Variants in ECM2 observed in about 807,000 individuals in gnomAD.
ECM2 encodes extracellular matrix protein 2.
ECM2 carries 57 observed loss-of-function variants against 67.5 expected under a neutral mutation model. That is an observed-to-expected ratio of 0.84 (90% CI 0.68 to 1.05). ECM2 has a LOEUF of 1.05. ECM2 is among the 50% of genes least tolerant of loss of function. ECM2 has a pLI of 0.00. For missense variants in ECM2, 741 were observed against 822.8 expected, an observed-to-expected ratio of 0.90 and a Z score of 1.22; for synonymous variants, 258 against 294.5, an observed-to-expected ratio of 0.88 and a Z score of 1.27.
At position 92,512,108 on chromosome 9, in the gene ECM2, A is replaced by G; in HGVS notation, c.1073T>C (p.Ile358Thr). The G allele has an allele frequency of 6.2e-7, 1 of 1,613,696 alleles. No individual in the cohort carries two copies. The highest frequency in any genetic ancestry group is 1.7e-5 in the Admixed American group (1 of 59,986). The change falls in exon 5 of 10, where the codon ATC becomes ACC. Residue 358 changes from isoleucine to threonine, a missense_variant. Physicochemically the swap from Ile to Thr is moderately conservative, Grantham distance 89. Transcript: ENST00000344604. ...TAATCCATTAAATGCTTCATCTGGG[A>G]TGGAGGCGATGGAATTGCCTAGGAC... ...LELTGNSIASIPDEAFNGLPN... is the reference protein window; with the variant it reads ...LELTGNSIASTPDEAFNGLPN...
At chr9:92,539,920 C>T (rs1849278492), upstream of ECM2, among the ~76,000 whole-genome samples, 1 of 152,122 alleles carries the variant, frequency 6.6e-6, no homozygotes, top group Admixed American at 6.5e-5. Flanking sequence ...TTTGTGTACG[C>T]ATTTCCAGGT....
chr9:92,496,656 A>AAGCACT (rs1846361619), intron 9 of ECM2, among the ~76,000 whole-genome samples, 173 bp from the exon 10 acceptor site: 1 of 152,230 alleles, frequency 6.6e-6, no homozygotes, highest in African/African-American at 2.4e-5. Flanking sequence ...GAAGCCATAG[A>AAGCACT]AGCACTAGAA....
At position 92,515,210 on chromosome 9, in the gene ECM2, A is replaced by G. The variant is rs1432007398; in HGVS notation, c.482-7T>C. 6 of 1,546,748 alleles carry G rather than the reference A, an allele frequency of 3.9e-6. No homozygotes were observed. In the African/African-American group the frequency reaches 8.3e-5, roughly 21 times the overall value. ...CTGAGTAGAGAATAGGAGACTAATG[A>G]CCACGCAAGGATGAGGTAGCAGAGA... is the stretch of plus-strand genomic sequence containing the variant. On this transcript the variant is annotated splice_polypyrimidine_tract_variant and splice_region_variant and intron_variant, in intron 3 of 9. Coordinates refer to ENST00000344604, the MANE Select transcript of ECM2 (RefSeq NM_001393.4).
At chr9:92,495,270 A>G (rs1846291966), downstream of ECM2, 1 of 768,490 alleles carries the variant, frequency 1.3e-6, no homozygotes, top group Non-Finnish European at 1.6e-6. Context: ...CATAGTTTCT[A>G]TATGTGTCTT....
rs550330584 is a variant in ECM2 at position 92,513,879 on chromosome 9, T to C, written c.1054+752A>G. Among the ~76,000 whole-genome samples the C allele has an allele frequency of 4.6e-5, 7 of 152,304 alleles. No individual in the cohort carries two copies. The East Asian group carries it at 7.7e-4, about 17-fold the overall frequency. On this transcript the variant is annotated intron_variant, in intron 4 of 9. Transcript: ENST00000344604. ...GTGCATTTGTCAAAACTCAGAACTA[T>C]ATACTAAAAATAAGTTTTACTACAT...
chr9:92,532,041 T>TTTTTTTA (rs1433523712), intron 1 of ECM2, among the ~76,000 whole-genome samples: 1 of 143,418 alleles, frequency 7.0e-6, no homozygotes, highest in Admixed American at 6.8e-5. Flanking sequence ...TTTATTTTTT[T>TTTTTTTA]TTTGAGATGA....
At chr9:92,499,478 T>TG (rs775490624) in intron 9 of ECM2, among the ~76,000 whole-genome samples, 13 of 152,164 alleles carry the variant, frequency 8.5e-5, no homozygotes, top group Non-Finnish European at 1.6e-4. Flanking sequence ...CATCTGTGAG[T>TG]GAAACCATTG....
chr9:92,495,351 G>C lies in ECM2; in HGVS notation c.*964C>G, dbSNP rs900007297. Reference sequence around the variant, plus strand: ...AATTTTAATATATGATTTTGGTAGGGCCAATACATAGTAAAGACATAGCTT... The same window carrying C: ...AATTTTAATATATGATTTTGGTAGGCCCAATACATAGTAAAGACATAGCTT... On this transcript the variant is annotated 3_prime_UTR_variant, in exon 10 of 10. Transcript: ENST00000344604. The C allele has an allele frequency of 3.1e-6, 3 of 954,802 alleles. No individual in the cohort carries two copies. In the African/African-American group the frequency reaches 5.3e-5, roughly 17 times the overall value. 59.1% of individuals were successfully genotyped at this position (954,802 alleles called of 1,614,324 possible). A position where few individuals can be genotyped will look rare whatever the true frequency, so the allele number is the denominator to read the frequency against.
At chr9:92,552,195 A>G in the ECM2 span, among the ~76,000 whole-genome samples, 1 of 143,204 alleles carries the variant, frequency 7.0e-6, no homozygotes, top group Non-Finnish European at 1.5e-5. Context: ...TCATATACAC[A>G]CACACACACA....
At chr9:92,549,731 TATC>T in the ECM2 span, among the ~76,000 whole-genome samples, 2 of 152,170 alleles carry the variant, frequency 1.3e-5, no homozygotes, top group African/African-American at 4.8e-5. Flanking sequence ...CCGGATTAGA[TATC>T]ATTTTATCAA....
At chr9:92,537,421 G>A (rs937116670), upstream of ECM2, among the ~76,000 whole-genome samples, 1 of 152,098 alleles carries the variant, frequency 6.6e-6, no homozygotes, top group African/African-American at 2.4e-5. Flanking sequence ...AGCACTTTGG[G>A]AGGCAGAGAC....
At chr9:92,554,849 G>T in the ECM2 span, among the ~76,000 whole-genome samples, 5 of 151,688 alleles carry the variant, frequency 3.3e-5, no homozygotes, top group African/African-American at 9.7e-5. Context: ...TGTTGGCCAG[G>T]CTGGTCTCGA....
At chr9:92,494,425 T>C (rs1465953316), downstream of ECM2, among the ~76,000 whole-genome samples, 4 of 152,206 alleles carry the variant, frequency 2.6e-5, no homozygotes, top group Non-Finnish European at 4.4e-5. Flanking sequence ...TTAAAATTAG[T>C]AATGCACCTT....
chr9:92,555,612 G>A, the ECM2 span, among the ~76,000 whole-genome samples: 1 of 152,102 alleles, frequency 6.6e-6, no homozygotes, highest in South Asian at 2.1e-4. Flanking sequence ...TTATTTACAA[G>A]CTAGGAAGAT....
At chr9:92,493,962 G>T, downstream of ECM2, 1 of 815,934 alleles carries the variant, frequency 1.2e-6, no homozygotes, top group Non-Finnish European at 1.9e-6. Flanking sequence ...AGGCCGTTGA[G>T]GGTGGCCGTA....
chr9:92,532,015 G>GTT lies in ECM2; in HGVS notation c.-28+3916_-28+3917dup, dbSNP rs71362397. Among the ~76,000 whole-genome samples, 227 of 95,678 alleles carry GTT rather than the reference G, an allele frequency of 2.4e-3. 37 individuals are homozygous for GTT. Among genetic ancestry groups the GTT allele is most frequent in the Middle Eastern group, 6.8e-3 (1 of 146 alleles). The allele number at this position is 95,678 out of a possible 152,430, so 62.8% of individuals were successfully genotyped here. ...TTTTCTTTTTCTTTTTTTATTTAAT[G>GTT]TTTTTTTTTTTTTATTTTATTTTTT... On this transcript the variant is annotated intron_variant, in intron 1 of 9. Coordinates refer to ENST00000344604, the MANE Select transcript of ECM2 (RefSeq NM_001393.4).
At chr9:92,511,518 C>T (rs1847342589) in intron 5 of ECM2, among the ~76,000 whole-genome samples, 2 of 151,438 alleles carry the variant, frequency 1.3e-5, no homozygotes, top group Admixed American at 6.6e-5. Context: ...TTTCCCTCTT[C>T]TTCCCCAAGC....
chr9:92,503,601 G>A (rs1456021554), intron 7 of ECM2, among the ~76,000 whole-genome samples: 1 of 152,302 alleles, frequency 6.6e-6, no homozygotes, highest in South Asian at 2.1e-4. Context: ...ATTAGAGGGA[G>A]TTTTTCACTA....
Position 92,496,352 on chromosome 9 carries a change from T to C in ECM2, c.2063A>G (p.Tyr688Cys), listed in dbSNP as rs200233948. 1 of 1,602,882 alleles carries C rather than the reference T, an allele frequency of 6.2e-7. No individual in the cohort carries two copies. Among genetic ancestry groups the C allele is most frequent in the East Asian group, 2.3e-5 (1 of 44,334 alleles). ...TTGTGGTTTAAGAACGATACTTGAG[T>C]ATGATCTTATGCATGAAAATGTGTA... ...PSYTFSCIRSYSSIVLKPQNI... is the reference protein window; with the variant it reads ...PSYTFSCIRSCSSIVLKPQNI... Residue 688 changes from tyrosine (Y) to cysteine (C), a missense_variant, in exon 10 of 10, where the codon TAC (tyrosine) becomes TGC (cysteine). Coordinates refer to ENST00000344604, the MANE Select transcript of ECM2 (RefSeq NM_001393.4).
Sources: gnomAD v4.1 joint callset for allele counts (sites outside exome capture counted in the v4.1 genomes callset) on GRCh38, gnomAD v4.1.1 for gene constraint, MANE v1.5 for transcripts, NCBI Gene and HGNC (gene_info 2026-07-23, HGNC 2026-07-21) for gene names.